RGS7: variants seen among roughly 807,000 people sequenced by gnomAD.
The protein encoded by RGS7 is regulator of G protein signaling 7.
A neutral mutation model predicts 81.1 loss-of-function variants in RGS7; 27 were observed. The ratio of observed to expected loss-of-function variants is 0.33; its 90% CI spans 0.25 to 0.46. The LOEUF (loss-of-function observed/expected upper bound fraction) is 0.46. Ranked by LOEUF, RGS7 falls within the 20% of genes least tolerant of loss-of-function variation. The pLI is 1.00. For missense variants in RGS7, 396 were observed against 607.4 expected (o/e 0.65, Z 3.66); for synonymous variants, 208 against 207.7 (o/e 1.00, Z -0.01).
chr1:241,303,753 T>C (rs2079914220), intron 2 of RGS7, among the ~76,000 whole-genome samples: 1 of 152,254 alleles, frequency 6.6e-6, no homozygotes, highest in Admixed American at 6.5e-5. Context: ...ACTGGGTTGT[T>C]TGCCCTGTGG....
chr1:241,156,807 A>G (rs2069190608), intron 2 of RGS7, among the ~76,000 whole-genome samples: 1 of 152,194 alleles, frequency 6.6e-6, no homozygotes, highest in East Asian at 1.9e-4. Context: ...CCAAGTTGGC[A>G]CAACTCTGAA....
At position 240,814,752 on chromosome 1, in the gene RGS7, T is replaced by A. The variant is rs1690499341; in HGVS notation, c.809A>T (p.Asp270Val). ...QQIKYWQIQL[D>V]RHRLKMSKVA... ...TTTTGACATTTTTAACCGATGTCTATCTAACTGTATTTGCCAATATTTTAT... is the reference window on the plus strand; with the variant it reads ...TTTTGACATTTTTAACCGATGTCTAACTAACTGTATTTGCCAATATTTTAT... The change falls in exon 12 of 19, where the codon GAT (aspartate) becomes GTT (valine). Residue 270 changes from aspartate (D) to valine (V), a missense_variant. Transcript: ENST00000440928. 1 of 1,600,178 alleles carries A rather than the reference T, an allele frequency of 6.2e-7. No homozygotes were observed. The highest frequency in any genetic ancestry group is 1.1e-5 in the South Asian group (1 of 90,798).
intron 3 of RGS7, among the ~76,000 whole-genome samples, chr1:241,089,059 C>CTA (rs1309771256): frequency 1.4e-3 from 62 of 43,972 alleles, no homozygotes; most frequent in South Asian, 4.4e-3. Flanking sequence ...CTCTCTCTCT[C>CTA]TCTCTATATA....
chr1:240,815,210 G>A (rs1572218428), intron 11 of RGS7, among the ~76,000 whole-genome samples: 1 of 151,890 alleles, frequency 6.6e-6, no homozygotes, highest in African/African-American at 2.4e-5. Context: ...GTGTAGTGGT[G>A]CAGGTACTAT....
rs367605450 is a variant in RGS7, at chr1:240,985,376, T to C, written c.176-2247A>G. 5.6e-4 allele frequency among the ~76,000 whole-genome samples: 85 copies of C among 152,246 alleles called. 1 individual carries two copies. Among genetic ancestry groups the C allele is most frequent in the Admixed American group, 5.5e-3 (84 of 15,286 alleles). On this transcript the variant is annotated intron_variant, in intron 3 of 18. Coordinates refer to ENST00000440928, the MANE Select transcript of RGS7 (RefSeq NM_001364886.1). ...ATATTTTTTATTGTGAAAAATGACT[T>C]GAAAAATGCTCTTAGAGACTAAGTT...
intron 2 of RGS7, among the ~76,000 whole-genome samples, chr1:241,270,207 G>A (rs1159663484): frequency 2.6e-5 from 4 of 152,094 alleles, no homozygotes; most frequent in Non-Finnish European, 4.4e-5. Context: ...CTAATCCTAA[G>A]CTTAGAGTGG....
At chr1:241,291,607 T>C (rs921927892) in intron 2 of RGS7, among the ~76,000 whole-genome samples, 1 of 114,062 alleles carries the variant, frequency 8.8e-6, no homozygotes, top group Non-Finnish European at 1.7e-5. Context: ...AGATGGAGTT[T>C]TGCTCTTGTT....
intron 9 of RGS7, among the ~76,000 whole-genome samples, chr1:240,841,543 C>A (rs374101451): frequency 1.3e-5 from 2 of 151,898 alleles, no homozygotes; most frequent in African/African-American, 4.8e-5. Flanking sequence ...GCTAATAACG[C>A]CTCTTCTATT....
At chr1:240,827,761 G>A (rs1457700798) in intron 9 of RGS7, among the ~76,000 whole-genome samples, 1 of 151,456 alleles carries the variant, frequency 6.6e-6, no homozygotes, top group Non-Finnish European at 1.5e-5. Context: ...ATACTTAGGA[G>A]GCTGAGGCAG....
Position 240,889,255 on chromosome 1 carries a change from C to T in RGS7, c.386-19136G>A, listed in dbSNP as rs570555560. 4.6e-5 allele frequency among the ~76,000 whole-genome samples: 7 copies of T among 152,198 alleles called. No homozygotes were observed. In the East Asian group the frequency reaches 7.7e-4, roughly 17 times the overall value. ...TACAGACGTGAGCCACTGCACCTGG[C>T]GAGAGGTAACTTTTGAATTGAAATC... On this transcript the variant is annotated intron_variant, in intron 6 of 18. Coordinates refer to ENST00000440928, the MANE Select transcript of RGS7 (RefSeq NM_001364886.1).
In RGS7 at chr1:240,855,594, C is replaced by T. The variant is rs371470068; in HGVS notation, c.609+12993G>A. Among the ~76,000 whole-genome samples the T allele has an allele frequency of 8.6e-5, 13 of 151,860 alleles. No individual in the cohort carries two copies. The South Asian group carries it at 1.2e-3, about 15-fold the overall frequency. ...CATCTTTCCAAGTCTTTAAAATTCTCATTTTGAGTTATACAATATACTGTC... is the reference window on the plus strand; with the variant it reads ...CATCTTTCCAAGTCTTTAAAATTCTTATTTTGAGTTATACAATATACTGTC... On this transcript the variant is annotated intron_variant, in intron 9 of 18. Coordinates refer to ENST00000440928, the MANE Select transcript of RGS7 (RefSeq NM_001364886.1).
chr1:240,857,635 G>A (rs535241288), intron 9 of RGS7, among the ~76,000 whole-genome samples: 1 of 152,018 alleles, frequency 6.6e-6, no homozygotes, highest in East Asian at 1.9e-4. Context: ...TATGATAACT[G>A]GCCTTCTAAG....
intron 3 of RGS7, among the ~76,000 whole-genome samples, chr1:241,045,086 T>G (rs2060845795): frequency 6.6e-6 from 1 of 152,168 alleles, no homozygotes; most frequent in East Asian, 1.9e-4. Context: ...TAGCTGCCCT[T>G]AAAGTGAATT....
chr1:241,349,524 T>C (rs1396944396), intron 2 of RGS7, among the ~76,000 whole-genome samples: 2 of 152,230 alleles, frequency 1.3e-5, no homozygotes, highest in Non-Finnish European at 2.9e-5. Context: ...TGCCTGTTAG[T>C]GTTCCAATGT....
intron 3 of RGS7, among the ~76,000 whole-genome samples, chr1:241,031,842 G>A (rs904365604): frequency 1.4e-5 from 2 of 143,126 alleles, no homozygotes; most frequent in Non-Finnish European, 3.0e-5. Context: ...CTTTGTCATC[G>A]TTGATTATTT....
At chr1:240,936,324 G>T (rs1572857563) in intron 5 of RGS7, among the ~76,000 whole-genome samples, 2 of 152,230 alleles carry the variant, frequency 1.3e-5, no homozygotes, top group Admixed American at 6.5e-5. Flanking sequence ...ATGCCATTAA[G>T]TCACTTTATG....
intron 9 of RGS7, among the ~76,000 whole-genome samples, chr1:240,835,795 C>A (rs1309214689): frequency 1.3e-5 from 2 of 152,080 alleles, no homozygotes; most frequent in African/African-American, 4.8e-5. Context: ...CAAGGAGGAA[C>A]CTTACGTGCG....
chr1:241,269,409 C>A (rs932011000), intron 2 of RGS7, among the ~76,000 whole-genome samples: 1 of 152,184 alleles, frequency 6.6e-6, no homozygotes, highest in Non-Finnish European at 1.5e-5. Flanking sequence ...TCCGTCCATC[C>A]CAGAGGGCCC....
At chr1:241,143,971 C>T (rs78463293) in intron 2 of RGS7, among the ~76,000 whole-genome samples, 4,101 of 152,190 alleles carry the variant, frequency 0.027, 176 homozygotes, top group African/African-American at 0.093. Flanking sequence ...ACTAAATCTG[C>T]CAGTGCCTTG....
Sources: gnomAD v4.1 joint callset for allele counts (sites outside exome capture counted in the v4.1 genomes callset) on GRCh38, gnomAD v4.1.1 for gene constraint, MANE v1.5 for transcripts, NCBI Gene and HGNC (gene_info 2026-07-23, HGNC 2026-07-21) for gene names.